The following RNF38 variants were observed in gnomAD, a reference collection of about 807,000 sequenced individuals.
RNF38 encodes the protein ring finger protein 38.
A neutral mutation model predicts 67.2 loss-of-function variants in RNF38; 15 were observed. The observed-to-expected ratio is 0.22, with a 90% CI of 0.15 to 0.34. The LOEUF (loss-of-function observed/expected upper bound fraction) is 0.34, where lower values mean the gene tolerates loss of function less well. Among genes scored for constraint, RNF38 ranks in the 10% least tolerant of loss-of-function variants. The pLI, the probability that RNF38 is intolerant of heterozygous loss-of-function variation, is 1.00. For missense variants in RNF38, 524 were observed against 639.9 expected (o/e 0.82, Z 1.95); for synonymous variants, 220 against 218.8 (o/e 1.01, Z -0.05).
rs115173781 is a variant in RNF38 at position 36,382,311 on chromosome 9, C to T, written c.163-6184G>A. Among the ~76,000 whole-genome samples the T allele has an allele frequency of 2.7e-3, 418 of 152,108 alleles. 2 individuals are homozygous for T. The highest frequency in any genetic ancestry group is 8.8e-3 in the African/African-American group (365 of 41,476). ...AGGGATCAAGGGAGGTCAAAGAGGT[C>T]ATAATGGGAGGAAGGAAGGAAAGGC... On this transcript the variant is annotated intron_variant, in intron 2 of 11. Transcript: ENST00000259605.
intron 1 of RNF38, among the ~76,000 whole-genome samples, chr9:36,480,460 T>G (rs1282037058): frequency 5.3e-5 from 8 of 152,024 alleles, no homozygotes. Context: ...ACAGCCAACT[T>G]TTCAACTCCA....
chr9:36,349,479 A>ATT (rs1049155706), intron 9 of RNF38, among the ~76,000 whole-genome samples: 1 of 151,356 alleles, frequency 6.6e-6, no homozygotes, highest in Non-Finnish European at 1.5e-5. Flanking sequence ...TGGGTTATTC[A>ATT]TTTTTTTTGC....
intron 2 of RNF38, among the ~76,000 whole-genome samples, chr9:36,387,832 AC>A (rs1836760802): frequency 6.6e-6 from 1 of 152,182 alleles, no homozygotes; most frequent in Non-Finnish European, 1.5e-5. Context: ...GGAAGCACAT[AC>A]AAAATATTAC....
At chr9:36,432,176 A>C (rs1838947047) in intron 1 of RNF38, among the ~76,000 whole-genome samples, 1 of 151,272 alleles carries the variant, frequency 6.6e-6, no homozygotes, top group Non-Finnish European at 1.5e-5. Flanking sequence ...ACTCTATTGC[A>C]CAGGCTGGAG....
chr9:36,386,060 G>A (rs527840824), intron 2 of RNF38, among the ~76,000 whole-genome samples: 21 of 152,248 alleles, frequency 1.4e-4, no homozygotes, highest in African/African-American at 4.3e-4. Context: ...CTTATTTATC[G>A]TTGGTAAAAA....
chr9:36,342,249 T>C, intron 11 of RNF38, 76 bp downstream of exon 11: 2 of 1,019,052 alleles, frequency 2.0e-6, no homozygotes, highest in East Asian at 2.4e-5. Flanking sequence ...TCCACTGAGC[T>C]ATGAACTTAC....
chr9:36,393,391 A>G (rs996747558), intron 1 of RNF38, among the ~76,000 whole-genome samples: 4 of 152,114 alleles, frequency 2.6e-5, no homozygotes, highest in East Asian at 3.8e-4. Flanking sequence ...TATATTCAAA[A>G]TAAGTCTGGG....
intron 1 of RNF38, among the ~76,000 whole-genome samples, chr9:36,467,863 G>T (rs377323661): frequency 6.6e-6 from 1 of 152,124 alleles, no homozygotes; most frequent in Non-Finnish European, 1.5e-5. Flanking sequence ...ATCTGAGAAG[G>T]GTTTGTTTAT....
chr9:36,461,221 AAAACAAAC>A (rs755159788), intron 1 of RNF38, among the ~76,000 whole-genome samples: 2 of 152,220 alleles, frequency 1.3e-5, no homozygotes, highest in African/African-American at 2.4e-5. Flanking sequence ...ACTCCATCTC[AAAACAAAC>A]AAACAAACAA....
intron 3 of RNF38, among the ~76,000 whole-genome samples, chr9:36,374,396 C>T (rs1420949984): frequency 3.9e-5 from 6 of 152,280 alleles, no homozygotes; most frequent in East Asian, 3.9e-4. Flanking sequence ...CCAACATAGT[C>T]GGTTTTTGGA....
chr9:36,408,083 G>A (rs1838226428), intron 2 of RNF38, among the ~76,000 whole-genome samples: 1 of 152,022 alleles, frequency 6.6e-6, no homozygotes, highest in African/African-American at 2.4e-5. Context: ...AAGATATATT[G>A]CTACACTGCC....
intron 1 of RNF38, among the ~76,000 whole-genome samples, chr9:36,450,320 G>A (rs957742521): frequency 5.3e-5 from 8 of 151,954 alleles, no homozygotes; most frequent in Non-Finnish European, 1.2e-4. Context: ...ACTGTAATAT[G>A]CTGCCACCAG....
chr9:36,398,267 C>T (rs1837696757), intron 1 of RNF38, among the ~76,000 whole-genome samples: 1 of 152,036 alleles, frequency 6.6e-6, no homozygotes, highest in African/African-American at 2.4e-5. Context: ...AGATCCTTAA[C>T]AAAGGGAAAG....
intron 1 of RNF38, among the ~76,000 whole-genome samples, chr9:36,468,011 G>A (rs1026935550): frequency 2.0e-5 from 3 of 152,186 alleles, no homozygotes; most frequent in African/African-American, 7.2e-5. Flanking sequence ...GGGATGCCAA[G>A]GTGGGAAGAC....
chr9:36,361,223 C>T (rs1248277595), intron 4 of RNF38, among the ~76,000 whole-genome samples: 1 of 151,786 alleles, frequency 6.6e-6, no homozygotes, highest in African/African-American at 2.4e-5. Context: ...GTGATCTCGG[C>T]TCACTGCAAC....
intron 2 of RNF38, among the ~76,000 whole-genome samples, chr9:36,380,082 A>G (rs1446945540): frequency 6.6e-6 from 1 of 152,252 alleles, no homozygotes; most frequent in African/African-American, 2.4e-5. Flanking sequence ...GTAGTTACAG[A>G]ACAGAATGGA....
intron 1 of RNF38, among the ~76,000 whole-genome samples, chr9:36,393,524 G>T (rs10738966): frequency 0.34 from 28,263 of 82,670 alleles, 3,114 homozygotes; most frequent in Non-Finnish European, 0.38. Flanking sequence ...TGTGTGTGTG[G>T]GGCAGGCAGT....
chr9:36,348,477 A>AAAAC lies in RNF38; in HGVS notation c.1263+2634_1263+2637dup, dbSNP rs796273023. ...GACAGAGTAAGACCCTGTCTCAAAC[A>AAAAC]AAACAAACAAACAAACAAAAAGAAA... is the stretch of plus-strand genomic sequence containing the variant. On this transcript the variant is annotated intron_variant, in intron 9 of 11. Coordinates refer to ENST00000259605, the MANE Select transcript of RNF38 (RefSeq NM_022781.5). Among the ~76,000 whole-genome samples the AAAAC allele has an allele frequency of 1.2e-4, 19 of 152,284 alleles. 1 individual carries two copies. The highest frequency in any genetic ancestry group is 2.9e-4 in the African/African-American group (12 of 41,562).
intron 2 of RNF38, among the ~76,000 whole-genome samples, chr9:36,387,782 T>C (rs1161216704): frequency 6.6e-6 from 1 of 152,104 alleles, no homozygotes; most frequent in Non-Finnish European, 1.5e-5. Flanking sequence ...AAAGCCATCA[T>C]TTTCACAGAA....
Sources: allele counts gnomAD v4.1 joint callset (sites outside exome capture counted in the v4.1 genomes callset), GRCh38; gene constraint gnomAD v4.1.1; transcripts MANE v1.5; gene names NCBI Gene and HGNC (gene_info 2026-07-23, HGNC 2026-07-21).